Variants in MAD1L1 observed in about 807,000 individuals in gnomAD.
MAD1L1 encodes mitotic spindle assembly checkpoint protein MAD1.
In MAD1L1, 95 loss-of-function variants were observed where a neutral mutation model predicts 96.9. That is an observed-to-expected ratio of 0.98 (90% CI 0.83 to 1.16). MAD1L1 has a LOEUF of 1.16. Among genes scored for constraint, MAD1L1 ranks in the 50% most tolerant of loss-of-function variants. The pLI is 0.00. For missense variants in MAD1L1, 1,007 were observed against 954.4 expected, an observed-to-expected ratio of 1.06 and a Z score of -0.73; for synonymous variants, 473 against 396.6, an observed-to-expected ratio of 1.19 and a Z score of -2.29.
chr7:1,860,766 T>C (rs1320194980), intron 18 of MAD1L1, among the ~76,000 whole-genome samples: 1 of 152,012 alleles, frequency 6.6e-6, no homozygotes, highest in African/African-American at 2.4e-5. Context: ...ATCTCAGGAT[T>C]CTCTGAAGTG....
At chr7:1,838,879 C>G in intron 18 of MAD1L1, 1 of 471,168 alleles carries the variant, frequency 2.1e-6, no homozygotes. Context: ...GTAAGACTAC[C>G]TAAGGTTCCA....
At chr7:1,994,643 C>T (rs546644872) in intron 14 of MAD1L1, among the ~76,000 whole-genome samples, 5 of 152,100 alleles carry the variant, frequency 3.3e-5, no homozygotes, top group South Asian at 4.2e-4. Context: ...AGGAGGCCAC[C>T]GGGCGGAGCC....
chr7:1,844,348 A>C (rs1783465875), intron 18 of MAD1L1: 1 of 152,590 alleles, frequency 6.6e-6, no homozygotes, highest in Non-Finnish European at 1.5e-5. Flanking sequence ...CTGCTGCTGG[A>C]CAGGTAGGGG....
chr7:2,218,093 C>A, intron 6 of MAD1L1, 50 bp from the exon 7 acceptor site: 1 of 1,408,682 alleles, frequency 7.1e-7, no homozygotes, highest in Non-Finnish European at 1.0e-6. Flanking sequence ...GCGGCAAGGC[C>A]AACAATTCTC....
At chr7:2,206,754 C>A (rs967361362) in intron 10 of MAD1L1, among the ~76,000 whole-genome samples, 5 of 151,712 alleles carry the variant, frequency 3.3e-5, no homozygotes, top group Admixed American at 6.6e-5. Flanking sequence ...ATGGCTATAA[C>A]AATTTATAGG....
intron 12 of MAD1L1, among the ~76,000 whole-genome samples, chr7:2,049,454 T>C (rs1016412934): frequency 6.6e-6 from 1 of 152,096 alleles, no homozygotes; most frequent in African/African-American, 2.4e-5. Flanking sequence ...GGCAAAAGGC[T>C]CGGGGGCAGC....
At chr7:1,976,351 T>C (rs1312183656) in intron 15 of MAD1L1, among the ~76,000 whole-genome samples, 2 of 152,222 alleles carry the variant, frequency 1.3e-5, no homozygotes, top group Admixed American at 6.5e-5. Context: ...TTCTTTCTTC[T>C]GGTGGGTTCG....
At chr7:1,836,164 G>A (rs1782927624) in intron 18 of MAD1L1, among the ~76,000 whole-genome samples, 1 of 152,136 alleles carries the variant, frequency 6.6e-6, no homozygotes, top group Non-Finnish European at 1.5e-5. Context: ...TGGGATTACA[G>A]GCATGCACCA....
At chr7:2,022,764 G>A (rs954639227) in intron 12 of MAD1L1, among the ~76,000 whole-genome samples, 11 of 151,994 alleles carry the variant, frequency 7.2e-5, no homozygotes, top group South Asian at 2.1e-4. Flanking sequence ...ATTAAAAGAC[G>A]GTCAGGATGG....
intron 12 of MAD1L1, among the ~76,000 whole-genome samples, chr7:2,015,586 T>C (rs551097267): frequency 7.0e-4 from 106 of 152,316 alleles, no homozygotes; most frequent in Non-Finnish European, 9.7e-4. Context: ...TGGCCTCCCA[T>C]TGCCTGCACT....
intron 17 of MAD1L1, among the ~76,000 whole-genome samples, chr7:1,920,559 G>A (rs1299831709): frequency 6.6e-6 from 1 of 152,222 alleles, no homozygotes; most frequent in Non-Finnish European, 1.5e-5. Flanking sequence ...CAGGTGTGGG[G>A]TGGGCGGGGA....
chr7:2,153,895 C>T (rs553256059), intron 10 of MAD1L1, among the ~76,000 whole-genome samples: 7 of 152,354 alleles, frequency 4.6e-5, no homozygotes, highest in Middle Eastern at 6.8e-3. Flanking sequence ...CGGTGGCTCA[C>T]GCCTGTAATC....
At chr7:1,855,447 G>A (rs1451332322) in intron 18 of MAD1L1, among the ~76,000 whole-genome samples, 2 of 152,100 alleles carry the variant, frequency 1.3e-5, no homozygotes, top group Admixed American at 6.5e-5. Flanking sequence ...AACAGCGGGA[G>A]GAAAGGCTGC....
At chr7:1,976,761 C>T (rs980996169) in intron 15 of MAD1L1, among the ~76,000 whole-genome samples, 4 of 152,242 alleles carry the variant, frequency 2.6e-5, no homozygotes, top group African/African-American at 9.6e-5. Flanking sequence ...TAGCTAGACA[C>T]AGAGTGCTGA....
chr7:1,872,261 C>A (rs1267468541), intron 18 of MAD1L1, among the ~76,000 whole-genome samples: 1 of 152,202 alleles, frequency 6.6e-6, no homozygotes. Context: ...TAGAGAGGAT[C>A]GGGGCCACAC....
At position 2,079,982 on chromosome 7, in the gene MAD1L1, A is replaced by T. The variant is rs147088243; in HGVS notation, c.1074-10644T>A. On this transcript the variant is annotated intron_variant, in intron 11 of 18. Coordinates refer to ENST00000265854, the MANE Select transcript of MAD1L1 (RefSeq NM_001013836.2). ...TCCTGGACACATCTACCGTCTCCCG[A>T]GGTCAGAGAGAAGGAGACCATCCGT... The T allele has an allele frequency of 2.3e-3, 754 of 326,174 alleles. 7 individuals carry two copies. Among genetic ancestry groups the T allele is most frequent in the Middle Eastern group, 2.2e-3 (2 of 900 alleles). 20.2% of individuals were successfully genotyped at this position (326,174 alleles called of 1,614,324 possible).
At chr7:1,892,897 T>G (rs1786637822) in intron 18 of MAD1L1, among the ~76,000 whole-genome samples, 1 of 152,212 alleles carries the variant, frequency 6.6e-6, no homozygotes, top group Admixed American at 6.5e-5. Flanking sequence ...GCCTGGTCAC[T>G]CCACTTCTTC....
chr7:1,885,088 C>G (rs1467791593), intron 18 of MAD1L1, among the ~76,000 whole-genome samples: 2 of 152,236 alleles, frequency 1.3e-5, no homozygotes, highest in African/African-American at 4.8e-5. Context: ...CCACTGGACC[C>G]AAGGCGGGGA....
intron 11 of MAD1L1, among the ~76,000 whole-genome samples, chr7:2,121,594 G>A (rs555903172): frequency 1.3e-5 from 2 of 152,346 alleles, no homozygotes; most frequent in African/African-American, 4.8e-5. Flanking sequence ...AGTGGGGCAG[G>A]ACTATGCTGC....
Sources: gnomAD v4.1 joint callset for allele counts (sites outside exome capture counted in the v4.1 genomes callset) on GRCh38, gnomAD v4.1.1 for gene constraint, MANE v1.5 for transcripts, NCBI Gene and HGNC (gene_info 2026-07-23, HGNC 2026-07-21) for gene names.